COL4A5: variants seen among roughly 807,000 people sequenced by gnomAD.
COL4A5 encodes collagen alpha-5(IV) chain.
Under a neutral mutation model 130.2 loss-of-function variants are expected in COL4A5, and 26 were observed. The ratio of observed to expected loss-of-function variants is 0.20; its 90% confidence interval spans 0.15 to 0.28. COL4A5 has a LOEUF of 0.28. COL4A5 is among the 10% of genes least tolerant of loss of function. The probability of loss-of-function intolerance (pLI) is 1.00; values close to 1 mark genes in which losing one functional copy is unlikely to be tolerated. For missense variants in COL4A5, 1,131 were observed against 1,344.3 expected, an observed-to-expected ratio of 0.84 and a Z score of 2.48; for synonymous variants, 496 against 439.6, an observed-to-expected ratio of 1.13 and a Z score of -1.60.
chrX:108,635,104 A>G (rs1300947444), intron 36 of COL4A5, among the ~76,000 whole-genome samples: 1 of 111,264 alleles, frequency 9.0e-6, no homozygotes, highest in South Asian at 3.7e-4. Flanking sequence ...AATAAAGTAT[A>G]CTGAAAACCC....
At chrX:108,569,999 C>T (rs1459759097) in intron 6 of COL4A5, among the ~76,000 whole-genome samples, 1 of 111,328 alleles carries the variant, frequency 9.0e-6, no homozygotes, top group Non-Finnish European at 1.9e-5. Flanking sequence ...TAACTAATGG[C>T]ATATGTCAGA....
At chrX:108,678,089 G>A (rs1344558947) in intron 44 of COL4A5, among the ~76,000 whole-genome samples, 1 of 111,499 alleles carries the variant, frequency 9.0e-6, no homozygotes. Context: ...CTGGGTTTCT[G>A]TCTTCACCTA....
chrX:108,581,849 A>G (rs1288480085), intron 16 of COL4A5, among the ~76,000 whole-genome samples: 1 of 110,675 alleles, frequency 9.0e-6, no homozygotes, highest in East Asian at 2.8e-4. Flanking sequence ...AAATATTTAT[A>G]TGAATATAAA....
chrX:108,511,304 T>G (rs1483578273), intron 1 of COL4A5, among the ~76,000 whole-genome samples: 1 of 111,900 alleles, frequency 8.9e-6, no homozygotes, highest in African/African-American at 3.2e-5. Flanking sequence ...TAATACATAT[T>G]GATGCATTCA....
intron 37 of COL4A5, among the ~76,000 whole-genome samples, chrX:108,661,940 T>C (rs1270655468): frequency 9.1e-6 from 1 of 110,373 alleles, no homozygotes; most frequent in Non-Finnish European, 1.9e-5. Flanking sequence ...ATTATTATTA[T>C]ACTTTAAGTT....
chrX:108,631,689 G>A lies in COL4A5; in HGVS notation c.3246+5340G>A, dbSNP rs777691976. Among the ~76,000 whole-genome samples, 438 of 111,320 alleles carry A rather than the reference G, an allele frequency of 3.9e-3. 2 individuals are homozygous for A. Among genetic ancestry groups the A allele is most frequent in the African/African-American group, 0.013 (399 of 30,659 alleles). On this transcript the variant is annotated intron_variant, in intron 36 of 52. Coordinates refer to ENST00000328300, the MANE Select transcript of COL4A5 (RefSeq NM_033380.3). ...AGGATTAAGAAACTCACTCAAAACCGCATGACTACATGGAAACTGAACAAC... is the reference window on the plus strand; with the variant it reads ...AGGATTAAGAAACTCACTCAAAACCACATGACTACATGGAAACTGAACAAC...
chrX:108,468,591 AT>A (rs373836224), intron 1 of COL4A5, among the ~76,000 whole-genome samples: 3,084 of 98,662 alleles, frequency 0.031, 114 homozygotes, highest in African/African-American at 0.11. Context: ...ATTTTGTCAG[AT>A]TTTTTTTTTT....
chrX:108,569,779 A>C (rs2066031911), intron 6 of COL4A5, among the ~76,000 whole-genome samples: 1 of 110,612 alleles, frequency 9.0e-6, no homozygotes, highest in Non-Finnish European at 1.9e-5. Flanking sequence ...TCCCGGGTTC[A>C]AGTGATTCTC....
chrX:108,657,928 A>G (rs760740516), intron 37 of COL4A5, among the ~76,000 whole-genome samples: 7 of 110,486 alleles, frequency 6.3e-5, no homozygotes, highest in African/African-American at 2.3e-4. Flanking sequence ...CTTCTTTTTC[A>G]TTTCTTTATA....
In COL4A5 at chrX:108,693,162, A is replaced by G. The variant is rs762464929; in HGVS notation, c.4706+237A>G. Among the ~76,000 whole-genome samples, 6 of 112,061 alleles carry G rather than the reference A, an allele frequency of 5.4e-5. No individual in the cohort carries two copies. The East Asian group carries it at 1.4e-3, about 26-fold the overall frequency. ...ATAATGCACAGTGTAGTAATTATTT[A>G]TTACATAAATTTGTCTAATATATAT... is the stretch of plus-strand genomic sequence containing the variant. On this transcript the variant is annotated intron_variant, in intron 50 of 52. Transcript: ENST00000328300.
At chrX:108,593,960 A>G (rs996289219) in intron 21 of COL4A5, among the ~76,000 whole-genome samples, 1 of 111,834 alleles carries the variant, frequency 8.9e-6, no homozygotes, top group Admixed American at 9.5e-5. Context: ...CAGTCTTGTG[A>G]CTGTTAATAC....
intron 1 of COL4A5, among the ~76,000 whole-genome samples, chrX:108,456,279 T>A (rs1199383571): frequency 8.9e-6 from 1 of 111,945 alleles, no homozygotes; most frequent in Non-Finnish European, 1.9e-5. Context: ...TATATATTGA[T>A]CTGTTTATCC....
chrX:108,563,719 T>G (rs760183024), intron 3 of COL4A5, among the ~76,000 whole-genome samples, 163 bp from the exon 4 acceptor site: 1 of 111,824 alleles, frequency 8.9e-6, no homozygotes, highest in African/African-American at 3.2e-5. Context: ...TTTACCTCAG[T>G]GCTTTCAGTC....
chrX:108,534,726 T>C (rs1456110896), intron 1 of COL4A5, among the ~76,000 whole-genome samples: 1 of 111,598 alleles, frequency 9.0e-6, no homozygotes, highest in Non-Finnish European at 1.9e-5. Flanking sequence ...AGGCGGTCTG[T>C]CTTGTCTTTT....
chrX:108,471,632 T>C (rs2064771018), intron 1 of COL4A5, among the ~76,000 whole-genome samples: 1 of 111,543 alleles, frequency 9.0e-6, no homozygotes, highest in South Asian at 3.7e-4. Context: ...CTTTTATTTG[T>C]TTGTGCTGCC....
chrX:108,519,431 G>A (rs758990354), intron 1 of COL4A5, among the ~76,000 whole-genome samples: 2 of 110,720 alleles, frequency 1.8e-5, no homozygotes, highest in Non-Finnish European at 3.8e-5. Context: ...TTGACTCCTA[G>A]ATCAGTTTTT....
chrX:108,494,234 T>C (rs2065016224), intron 1 of COL4A5, among the ~76,000 whole-genome samples: 1 of 111,521 alleles, frequency 9.0e-6, no homozygotes, highest in African/African-American at 3.2e-5. Context: ...AGGTGGCCCC[T>C]AATTTAATTG....
intron 1 of COL4A5, among the ~76,000 whole-genome samples, chrX:108,528,646 A>G (rs1231013604): frequency 8.9e-6 from 1 of 112,728 alleles, no homozygotes; most frequent in Non-Finnish European, 1.9e-5. Context: ...GTTAAGGATA[A>G]GAATGAACAA....
intron 1 of COL4A5, 30 bp downstream of exon 1, chrX:108,440,236 A>T (rs781417064): frequency 9.6e-7 from 1 of 1,038,158 alleles, no homozygotes; most frequent in East Asian, 3.1e-5. Flanking sequence ...CCCCGCGCCC[A>T]TCACCGCTCT....
Sources: gnomAD v4.1 joint callset for allele counts (sites outside exome capture counted in the v4.1 genomes callset) on GRCh38, gnomAD v4.1.1 for gene constraint, MANE v1.5 for transcripts, NCBI Gene and HGNC (gene_info 2026-07-23, HGNC 2026-07-21) for gene names.